The following STK31 variants were observed in gnomAD, a reference collection of about 807,000 sequenced individuals.
STK31 encodes serine/threonine-protein kinase 31.
A neutral mutation model predicts 129.7 loss-of-function variants in STK31; 89 were observed. The observed-to-expected ratio is 0.69, with a 90% CI of 0.58 to 0.82. STK31 has a LOEUF of 0.82. STK31 is among the 40% of genes least tolerant of loss of function. The pLI, the probability that STK31 is intolerant of heterozygous loss-of-function variation, is 0.00. For missense variants in STK31, 1,187 were observed against 1,176.4 expected, an observed-to-expected ratio of 1.01 and a Z score of -0.13; for synonymous variants, 448 against 395.3, an observed-to-expected ratio of 1.13 and a Z score of -1.58.
rs201522668 is a variant in STK31 at position 23,821,734 on chromosome 7, A to G, written c.2829+6522A>G. Among the ~76,000 whole-genome samples the G allele has an allele frequency of 2.3e-4, 35 of 152,262 alleles. 1 individual carries two copies. The East Asian group carries it at 4.4e-3, about 19-fold the overall frequency. Reference sequence around the variant, plus strand: ...GCCATAAAAATCTTTGCCTAGGCCAATGTCATGAAGTGTTTCCCTTATGTT... The same window carrying G: ...GCCATAAAAATCTTTGCCTAGGCCAGTGTCATGAAGTGTTTCCCTTATGTT... On this transcript the variant is annotated intron_variant, in intron 23 of 23. Coordinates refer to ENST00000355870, the MANE Select transcript of STK31 (RefSeq NM_031414.5).
chr7:23,827,061 G>C (rs1794202024), intron 23 of STK31, among the ~76,000 whole-genome samples: 1 of 152,092 alleles, frequency 6.6e-6, no homozygotes, highest in Non-Finnish European at 1.5e-5. Flanking sequence ...TGGTGAATCT[G>C]ACAATTATGT....
At chr7:23,794,537 G>C (rs1204929020) in intron 22 of STK31, among the ~76,000 whole-genome samples, 1 of 152,136 alleles carries the variant, frequency 6.6e-6, no homozygotes, top group East Asian at 1.9e-4. Flanking sequence ...CCGAAAATGT[G>C]GAAGCAGCTT....
rs7789993 is a variant in STK31 at position 23,831,889 on chromosome 7, G to A, written c.2830-247G>A. Among the ~76,000 whole-genome samples, 70,177 of 151,918 alleles carry A rather than the reference G, an allele frequency of 0.46. 16,654 individuals are homozygous for A. Among genetic ancestry groups the A allele is most frequent in the Admixed American group, 0.55 (8,358 of 15,268 alleles). On this transcript the variant is annotated intron_variant, in intron 23 of 23. Transcript: ENST00000355870. ...GACCTCAGGTGATTCCCCCCACCAC[G>A]GCCTCCCAAAGTGCTGGGATTACAG... is the stretch of plus-strand genomic sequence containing the variant.
chr7:23,803,019 C>T (rs570507261), intron 22 of STK31, among the ~76,000 whole-genome samples: 39 of 152,254 alleles, frequency 2.6e-4, no homozygotes, highest in African/African-American at 9.1e-4. Context: ...CTTACAGATT[C>T]TATACATGTG....
At chr7:23,789,767 C>G (rs940201306) in intron 21 of STK31, among the ~76,000 whole-genome samples, 3 of 152,084 alleles carry the variant, frequency 2.0e-5, no homozygotes, top group African/African-American at 7.2e-5. Context: ...ATACTATTTG[C>G]ATAATTATAG....
At chr7:23,790,696 T>C in intron 21 of STK31, 128 bp from the exon 22 acceptor site, 1 of 976,472 alleles carries the variant, frequency 1.0e-6, no homozygotes, top group Non-Finnish European at 1.4e-6. Flanking sequence ...TTGGTAAAAA[T>C]ATTTGAAAGC....
chr7:23,710,183 G>T, upstream of STK31: 1 of 1,590,386 alleles, frequency 6.3e-7, no homozygotes, highest in South Asian at 1.1e-5. Flanking sequence ...GGATGATGGC[G>T]CAGCGCTGTG....
Position 23,735,700 on chromosome 7 carries a change from T to A in STK31, c.646T>A (p.Ser216Thr), listed in dbSNP as rs916659466. The A allele has an allele frequency of 5.0e-6, 8 of 1,613,970 alleles. No homozygotes were observed. The highest frequency in any genetic ancestry group is 2.7e-5 in the African/African-American group (2 of 74,916). The change falls in exon 7 of 24, where the codon TCC becomes ACC. Residue 216 changes from serine (S) to threonine (T), a missense_variant. By Grantham distance (58) the Ser-to-Thr change is moderately conservative. This residue lies in a region of STK31 where 975 missense variants were observed against 934.9 expected (regional missense o/e 1.04). Coordinates refer to ENST00000355870, the MANE Select transcript of STK31 (RefSeq NM_031414.5). ...ATTTGCAGAGAAATGCAGACTTGCT[T>A]CCAGAACTGACATCTGTGAGGAAAA... ...KGFAEKCRLA[S>T]RTDICEEKKL... is the part of the protein sequence containing the mutation.
chr7:23,710,482 T>G, intron 1 of STK31, 147 bp downstream of exon 1: 3 of 1,513,678 alleles, frequency 2.0e-6, no homozygotes, highest in Non-Finnish European at 2.7e-6. Flanking sequence ...CCCAGAGGGG[T>G]GCCAGATGCC....
chr7:23,777,934 C>T lies in STK31; in HGVS notation c.1966-3485C>T, dbSNP rs549981610. Among the ~76,000 whole-genome samples the T allele has an allele frequency of 4.6e-5, 7 of 152,082 alleles. No individual in the cohort carries two copies. In the East Asian group the frequency reaches 5.8e-4, roughly 13 times the overall value. On this transcript the variant is annotated intron_variant, in intron 15 of 23. Coordinates refer to ENST00000355870, the MANE Select transcript of STK31 (RefSeq NM_031414.5). The stretch of plus-strand genomic sequence containing the variant: ...TGATGTAGTTTCTTCATAGTGTCGA[C>T]GGTCTTTACAATTTGGTATGTTTTT...
chr7:23,741,536 C>A (rs1229069198), intron 8 of STK31, among the ~76,000 whole-genome samples: 1 of 152,160 alleles, frequency 6.6e-6, no homozygotes, highest in Non-Finnish European at 1.5e-5. Flanking sequence ...TCAGATATTT[C>A]ACCTAGTATC....
At chr7:23,759,221 C>T (rs562179617) in intron 10 of STK31, among the ~76,000 whole-genome samples, 3 of 152,216 alleles carry the variant, frequency 2.0e-5, no homozygotes, top group Admixed American at 6.5e-5. Flanking sequence ...ATTAGATCAA[C>T]GAGACAGAAA....
intron 8 of STK31, among the ~76,000 whole-genome samples, chr7:23,738,895 G>A (rs550191172): frequency 3.3e-5 from 5 of 152,196 alleles, no homozygotes; most frequent in African/African-American, 1.2e-4. Context: ...ATTTGGGTTG[G>A]TTCCAAGTCT....
intron 22 of STK31, among the ~76,000 whole-genome samples, chr7:23,808,131 G>A (rs2128123847): frequency 6.9e-6 from 1 of 145,332 alleles, no homozygotes; most frequent in Non-Finnish European, 1.5e-5. Context: ...ATTATGTTGT[G>A]AGACTATGAA....
intron 22 of STK31, chr7:23,811,426 C>T: frequency 3.0e-6 from 1 of 335,626 alleles, no homozygotes. Flanking sequence ...CAGCTTGCTG[C>T]AAGTGATGGT....
intron 5 of STK31, chr7:23,727,553 GTTCTT>G: frequency 5.5e-6 from 1 of 181,418 alleles, no homozygotes; most frequent in Non-Finnish European, 1.0e-5. Flanking sequence ...TTTTACCTCA[GTTCTT>G]TTTTTTTTTT....
intron 5 of STK31, chr7:23,727,552 AGTTCT>A: frequency 4.0e-6 from 1 of 250,750 alleles, no homozygotes; most frequent in South Asian, 5.0e-5. Flanking sequence ...TTTTTACCTC[AGTTCT>A]TTTTTTTTTT....
intron 5 of STK31, chr7:23,727,609 C>T (rs1247024248): frequency 1.1e-5 from 3 of 272,356 alleles, no homozygotes; most frequent in Admixed American, 7.6e-5. Flanking sequence ...GTCGCCCAGG[C>T]TGGAGTGCAG....
chr7:23,751,055 C>G (rs977350888), intron 8 of STK31, among the ~76,000 whole-genome samples: 7 of 152,196 alleles, frequency 4.6e-5, no homozygotes, highest in Non-Finnish European at 1.0e-4. Flanking sequence ...CCTCTGGTAT[C>G]TATCATTCCA....
Sources: gnomAD v4.1 joint callset for allele counts (sites outside exome capture counted in the v4.1 genomes callset) on GRCh38, gnomAD v4.1.1 for gene constraint, gnomAD v4.1.1 regional missense constraint, MANE v1.5 for transcripts, NCBI Gene and HGNC (gene_info 2026-07-23, HGNC 2026-07-21) for gene names.